Variants in CCDC149 observed in about 807,000 individuals in gnomAD.
CCDC149 encodes the protein coiled-coil domain-containing protein 149.
A neutral mutation model predicts 59.9 loss-of-function variants in CCDC149; 45 were observed. The ratio of observed to expected loss-of-function variants is 0.75; its 90% confidence interval spans 0.59 to 0.96. The LOEUF is 0.96. Among genes scored for constraint, CCDC149 ranks in the 40% least tolerant of loss-of-function variants. CCDC149 has a pLI of 0.00. For missense variants in CCDC149, 584 were observed against 664.7 expected, an observed-to-expected ratio of 0.88 and a Z score of 1.33; for synonymous variants, 245 against 260.6, an observed-to-expected ratio of 0.94 and a Z score of 0.58.
At chr4:24,917,887 G>GGGCCCGTGCTGCTGACGGGTTAGCAGCAT (rs1165862378), upstream of CCDC149, among the ~76,000 whole-genome samples, 4 of 152,112 alleles carry the variant, frequency 2.6e-5, no homozygotes, top group Non-Finnish European at 5.9e-5. Flanking sequence ...AGAGGCAGCA[G>GGGCCCGTGCTGCTGACGGGTTAGCAGCAT]GGCCCGTGCT....
intron 1 of CCDC149, among the ~76,000 whole-genome samples, chr4:24,925,484 T>A (rs752015877): frequency 6.6e-6 from 1 of 152,178 alleles, no homozygotes; most frequent in African/African-American, 2.4e-5. Flanking sequence ...TGCTTCCTTT[T>A]AAAAAAACTT....
intron 4 of CCDC149, among the ~76,000 whole-genome samples, chr4:24,844,259 G>A (rs900878621): frequency 6.6e-5 from 10 of 152,080 alleles, no homozygotes; most frequent in Admixed American, 5.2e-4. Flanking sequence ...CTCCACAACC[G>A]TGTCTGGCTA....
chr4:24,862,607 A>T (rs1718451118), intron 3 of CCDC149, among the ~76,000 whole-genome samples: 1 of 152,228 alleles, frequency 6.6e-6, no homozygotes, highest in South Asian at 2.1e-4. Context: ...TTAATTGGTC[A>T]CTGATTCATT....
chr4:24,858,784 T>C (rs1277959089), intron 3 of CCDC149, among the ~76,000 whole-genome samples: 1 of 152,180 alleles, frequency 6.6e-6, no homozygotes, highest in Non-Finnish European at 1.5e-5. Context: ...TGACAGCTGT[T>C]GTGAAGGCAA....
rs564108403 is a variant in CCDC149 at position 24,936,584 on chromosome 4, C to T, written c.-64-41466G>A. Among the ~76,000 whole-genome samples, 101 of 152,210 alleles carry T rather than the reference C, an allele frequency of 6.6e-4. 1 individual carries two copies. Among genetic ancestry groups the T allele is most frequent in the Middle Eastern group, 3.4e-3 (1 of 294 alleles). On this transcript the variant is annotated intron_variant, in intron 1 of 12. Coordinates refer to the CCDC149 transcript ENST00000389609. ...AACAACATTCAAAATCTCCTCTTTC[C>T]GCTTTCTTGAAATATATAGTACATT... is the stretch of plus-strand genomic sequence containing the variant.
rs763130992 is a variant in CCDC149 at position 24,912,927 on chromosome 4, G to C, written c.-48C>G. 8.6e-7 allele frequency: 1 copy of C among 1,161,050 alleles called. No homozygotes were observed. Among genetic ancestry groups the C allele is most frequent in the Non-Finnish European group, 1.1e-6 (1 of 903,788 alleles). 71.9% of individuals were successfully genotyped at this position (1,161,050 alleles called of 1,614,324 possible). ...CCCGCCGCCTCCTCCTCCTCGCGACGTCGCGTCGCCGCCGCCGCCCGGGCC... is the reference window on the plus strand; with the variant it reads ...CCCGCCGCCTCCTCCTCCTCGCGACCTCGCGTCGCCGCCGCCGCCCGGGCC... On this transcript the variant is annotated 5_prime_UTR_variant, in exon 1 of 13. Transcript: ENST00000635206.
At chr4:24,971,488 T>C (rs1238990163) in intron 1 of CCDC149, among the ~76,000 whole-genome samples, 2 of 152,256 alleles carry the variant, frequency 1.3e-5, no homozygotes, top group Non-Finnish European at 2.9e-5. Flanking sequence ...TGAGGCACGT[T>C]AGGTGGTCAC....
intron 3 of CCDC149, among the ~76,000 whole-genome samples, chr4:24,862,396 C>G (rs1718439635): frequency 2.0e-5 from 3 of 152,130 alleles, no homozygotes; most frequent in African/African-American, 7.2e-5. Flanking sequence ...GAAGTTCTGC[C>G]CAAAAAGAGC....
Position 24,822,548 on chromosome 4 carries a change from G to T in CCDC149, c.991C>A (p.Leu331Met). 2 of 1,533,560 alleles carry T rather than the reference G, an allele frequency of 1.3e-6. No individual in the cohort carries two copies. The highest frequency in any genetic ancestry group is 1.4e-5 in the African/African-American group (1 of 71,602). 95.0% of individuals were successfully genotyped at this position (1,533,560 alleles called of 1,614,324 possible). Residue 331 changes from leucine to methionine, a missense_variant, in exon 10 of 13, where the codon CTG becomes ATG. Physicochemically the swap from Leu to Met is conservative, Grantham distance 15. Transcript: ENST00000635206. ...TCCAGAGTTCTTAATTTTTTTTCCA[G>T]CTCAGCCACCCGATTCCCTAGGATT...
chr4:24,895,105 A>G (rs1577461087), intron 1 of CCDC149: 2 of 1,091,324 alleles, frequency 1.8e-6, no homozygotes, highest in East Asian at 2.6e-5. Context: ...CTACTTATGA[A>G]TAAGTAGTGC....
chr4:24,942,794 A>C (rs1010398868), intron 1 of CCDC149, among the ~76,000 whole-genome samples: 5 of 152,188 alleles, frequency 3.3e-5, no homozygotes, highest in African/African-American at 1.2e-4. Context: ...ACTCCCATTC[A>C]CAATTGCTTC....
Position 24,806,947 on chromosome 4 carries a change from T to C in CCDC149, c.*1442A>G, listed in dbSNP as rs770550181. ...CTGCTAGCAGAGTGATTCCTGGAGA[T>C]GCAATCTGGGAGGGATGTATCCACG... On this transcript the variant is annotated 3_prime_UTR_variant, in exon 13 of 13. Coordinates refer to ENST00000635206, the MANE Select transcript of CCDC149 (RefSeq NM_001330643.2). 3 of 153,004 alleles carry C rather than the reference T, an allele frequency of 2.0e-5. No individual in the cohort carries two copies. Among genetic ancestry groups the C allele is most frequent in the Non-Finnish European group, 4.4e-5 (3 of 68,040 alleles). The allele number at this position is 153,004 out of a possible 1,614,324, so 9.5% of individuals were successfully genotyped here. A position where few individuals can be genotyped will look rare whatever the true frequency, so the allele number is the denominator to read the frequency against.
At chr4:24,965,878 A>T (rs1425565632) in intron 1 of CCDC149, among the ~76,000 whole-genome samples, 2 of 152,220 alleles carry the variant, frequency 1.3e-5, no homozygotes, top group Non-Finnish European at 2.9e-5. Flanking sequence ...ACGTTATGTA[A>T]CCATGCCATG....
At chr4:24,813,234 C>T (rs1714747931) in intron 12 of CCDC149, among the ~76,000 whole-genome samples, 1 of 152,044 alleles carries the variant, frequency 6.6e-6, no homozygotes. Flanking sequence ...AGAAGGCCCT[C>T]CTGAGTCACA....
At chr4:24,928,846 C>A (rs1417678067) in intron 1 of CCDC149, among the ~76,000 whole-genome samples, 3 of 152,094 alleles carry the variant, frequency 2.0e-5, no homozygotes, top group Non-Finnish European at 4.4e-5. Flanking sequence ...GTCAGGAAGG[C>A]AAAGAACAAG....
chr4:24,842,421 G>C (rs1415891170), intron 4 of CCDC149, among the ~76,000 whole-genome samples: 1 of 152,036 alleles, frequency 6.6e-6, no homozygotes, highest in Non-Finnish European at 1.5e-5. Context: ...TTCCACCTTG[G>C]AAAATGGCTA....
At chr4:24,857,029 T>C (rs1260085732) in intron 3 of CCDC149, among the ~76,000 whole-genome samples, 2 of 152,148 alleles carry the variant, frequency 1.3e-5, no homozygotes, top group Non-Finnish European at 2.9e-5. Context: ...TAAACCTTCA[T>C]TTAGCGGAAG....
intron 1 of CCDC149, among the ~76,000 whole-genome samples, chr4:24,961,547 T>G (rs937498690): frequency 6.6e-6 from 1 of 152,202 alleles, no homozygotes; most frequent in African/African-American, 2.4e-5. Context: ...TCATGCTACC[T>G]GACTTCAAGC....
intron 1 of CCDC149, among the ~76,000 whole-genome samples, chr4:24,898,466 A>G (rs1158837888): frequency 6.6e-6 from 1 of 152,178 alleles, no homozygotes; most frequent in Non-Finnish European, 1.5e-5. Flanking sequence ...GGGGCACTTC[A>G]GACACTCCCA....
Sources: gnomAD v4.1 joint callset for allele counts (sites outside exome capture counted in the v4.1 genomes callset) on GRCh38, gnomAD v4.1.1 for gene constraint, MANE v1.5 for transcripts, NCBI Gene and HGNC (gene_info 2026-07-23, HGNC 2026-07-21) for gene names.